TIMM13: variants seen among roughly 807,000 people sequenced by gnomAD.
TIMM13 encodes mitochondrial import inner membrane translocase subunit Tim13.
Under a neutral mutation model 10.9 loss-of-function variants are expected in TIMM13, and 8 were observed. That is an observed-to-expected ratio of 0.73 (90% CI 0.43 to 1.32). The LOEUF (loss-of-function observed/expected upper bound fraction) is 1.32. TIMM13 is among the 40% of genes most tolerant of loss of function. TIMM13 has a pLI of 0.01. For missense variants in TIMM13, 147 were observed against 132.8 expected, an observed-to-expected ratio of 1.11 and a Z score of -0.53; for synonymous variants, 68 against 52.5, an observed-to-expected ratio of 1.30 and a Z score of -1.28.
intron 1 of TIMM13, 32 bp downstream of exon 1, chr19:2,427,381 GC>G (rs2145437588): frequency 6.2e-7 from 1 of 1,611,682 alleles, no homozygotes; most frequent in South Asian, 1.1e-5. Flanking sequence ...TGGCCCTGTC[GC>G]CCCCAGCGCC....
Position 2,426,968 on chromosome 19 carries a change from G to A in TIMM13, c.268C>T (p.Arg90Trp). Residue 90 changes from arginine to tryptophan, a missense_variant, in exon 3 of 3, where the codon CGG becomes TGG. Coordinates refer to ENST00000215570, the MANE Select transcript of TIMM13 (RefSeq NM_012458.4). Reference sequence around the variant, plus strand: ...GCCGGTCACATGTTGGCTCGTTCCCGCTGCAGCCGCGAGTTGTAGGCGCGA... The same window carrying A: ...GCCGGTCACATGTTGGCTCGTTCCCACTGCAGCCGCGAGTTGTAGGCGCGA... Reference protein sequence around the residue: ...VSRAYNSRLQRERANM With the variant: ...VSRAYNSRLQWERANM The A allele has an allele frequency of 6.3e-7, 1 of 1,599,668 alleles. No individual in the cohort carries two copies. Among genetic ancestry groups the A allele is most frequent in the Non-Finnish European group, 8.5e-7 (1 of 1,174,094 alleles).
rs551594941 is a variant in TIMM13 at position 2,426,404 on chromosome 19, A to T, written c.*544T>A. 3 of 341,692 alleles carry T rather than the reference A, an allele frequency of 8.8e-6. No homozygotes were observed. Among genetic ancestry groups the T allele is most frequent in the Middle Eastern group, 8.2e-4 (1 of 1,226 alleles). The allele number at this position is 341,692 out of a possible 1,614,324, so 21.2% of individuals were successfully genotyped here. On this transcript the variant is annotated 3_prime_UTR_variant, in exon 3 of 3. Transcript: ENST00000215570. ...CCTTAGCCTTTGGGGCAGGGGTGGC[A>T]GCAGCAACACATTCCTCGTGACTCA... is the stretch of plus-strand genomic sequence containing the variant.
Position 2,425,837 on chromosome 19 carries a change from A to G in TIMM13, c.*1111T>C. 6.8e-7 allele frequency: 1 copy of G among 1,461,280 alleles called. No homozygotes were observed. The highest frequency in any genetic ancestry group is 9.0e-7 in the Non-Finnish European group (1 of 1,105,748). The allele number at this position is 1,461,280 out of a possible 1,614,324, so 90.5% of individuals were successfully genotyped here. A position where few individuals can be genotyped will look rare whatever the true frequency, so the allele number is the denominator to read the frequency against. On this transcript the variant is annotated 3_prime_UTR_variant, in exon 3 of 3. Coordinates refer to ENST00000215570, the MANE Select transcript of TIMM13 (RefSeq NM_012458.4). ...GAAAATGCGGCTCCCAGGGGAAGTC[A>G]CTAGGGTCACTCCTAGAGGGGCCAA...
At position 2,426,399 on chromosome 19, in the gene TIMM13, G is replaced by C; in HGVS notation, c.*549C>G. ...GTCCCCCTTAGCCTTTGGGGCAGGG[G>C]TGGCAGCAGCAACACATTCCTCGTG... On this transcript the variant is annotated 3_prime_UTR_variant, in exon 3 of 3. Coordinates refer to ENST00000215570, the MANE Select transcript of TIMM13 (RefSeq NM_012458.4). 2.9e-6 allele frequency: 1 copy of C among 348,240 alleles called. No individual in the cohort carries two copies. Among genetic ancestry groups the C allele is most frequent in the Non-Finnish European group, 5.3e-6 (1 of 189,890 alleles). The allele number at this position is 348,240 out of a possible 1,614,324, so 21.6% of individuals were successfully genotyped here.
In TIMM13 at chr19:2,425,631, T is replaced by C. The variant is rs1971603868; in HGVS notation, c.*1317A>G. On this transcript the variant is annotated 3_prime_UTR_variant, in exon 3 of 3. Transcript: ENST00000215570. The stretch of plus-strand genomic sequence containing the variant: ...CAGCGGATCAAGCAGGGAGCCTTTT[T>C]GGCTCTGGAGGAATTTCCACTCCAC... The C allele has an allele frequency of 5.8e-6, 8 of 1,370,456 alleles. No individual in the cohort carries two copies. The highest frequency in any genetic ancestry group is 1.5e-5 in the African/African-American group (1 of 65,908). 84.9% of individuals were successfully genotyped at this position (1,370,456 alleles called of 1,614,324 possible).
chr19:2,426,699 C>A lies in TIMM13; in HGVS notation c.*249G>T, dbSNP rs139570365. 3.4e-6 allele frequency: 2 copies of A among 587,956 alleles called. No homozygotes were observed. The highest frequency in any genetic ancestry group is 6.1e-6 in the Non-Finnish European group (2 of 328,220). The allele number at this position is 587,956 out of a possible 1,614,324, so 36.4% of individuals were successfully genotyped here. A position where few individuals can be genotyped will look rare whatever the true frequency, so the allele number is the denominator to read the frequency against. On this transcript the variant is annotated 3_prime_UTR_variant, in exon 3 of 3. Coordinates refer to ENST00000215570, the MANE Select transcript of TIMM13 (RefSeq NM_012458.4). ...CTGACTTGGGCACACTAGGGGAATA[C>A]CCCAAAGGCCTGAAGGAGGTGCCAC...
At position 2,426,106 on chromosome 19, in the gene TIMM13, A is replaced by G; in HGVS notation, c.*842T>C. 2.0e-6 allele frequency: 3 copies of G among 1,534,684 alleles called. No individual in the cohort carries two copies. Among genetic ancestry groups the G allele is most frequent in the Non-Finnish European group, 2.6e-6 (3 of 1,148,028 alleles). Reference sequence around the variant, plus strand: ...AGGAGTGACCACCACGTGACTGCCCAGGCCGAGACTCTACGTGAAAGCAAC... The same window carrying G: ...AGGAGTGACCACCACGTGACTGCCCGGGCCGAGACTCTACGTGAAAGCAAC... On this transcript the variant is annotated 3_prime_UTR_variant, in exon 3 of 3. Transcript: ENST00000215570.
In TIMM13 at chr19:2,426,299, C is replaced by A. The variant is rs560983733; in HGVS notation, c.*649G>T. 7 of 347,594 alleles carry A rather than the reference C, an allele frequency of 2.0e-5. No homozygotes were observed. In the East Asian group the frequency reaches 3.9e-4, roughly 19 times the overall value. The allele number at this position is 347,594 out of a possible 1,614,324, so 21.5% of individuals were successfully genotyped here. A position where few individuals can be genotyped will look rare whatever the true frequency, so the allele number is the denominator to read the frequency against. On this transcript the variant is annotated 3_prime_UTR_variant, in exon 3 of 3. Transcript: ENST00000215570. ...AGCACCTCAGTGTCACAGCGAGGACCACCTGCCTGGTGCTCCACCAGGACC... is the reference window on the plus strand; with the variant it reads ...AGCACCTCAGTGTCACAGCGAGGACAACCTGCCTGGTGCTCCACCAGGACC...
At chr19:2,427,181 C>T (rs990608453) in intron 2 of TIMM13, 75 bp downstream of exon 2, 1 of 1,585,774 alleles carries the variant, frequency 6.3e-7, no homozygotes, top group African/African-American at 1.4e-5. Context: ...CCCCGTTAGT[C>T]TGCGCACGCG....
Position 2,427,044 on chromosome 19 carries a change from C to G in TIMM13, c.192G>C (p.Lys64Asn). 1 of 1,608,616 alleles carries G rather than the reference C, an allele frequency of 6.2e-7. No homozygotes were observed. The highest frequency in any genetic ancestry group is 8.5e-7 in the Non-Finnish European group (1 of 1,178,530). Reference sequence around the variant, plus strand: ...AGCGGTCCATGCACATGGCGATGCACTTCTGCGGGAGCGGAGGGGCGCACG... The same window carrying G: ...AGCGGTCCATGCACATGGCGATGCAGTTCTGCGGGAGCGGAGGGGCGCACG... ...PGGSLDNSEQ[K>N]CIAMCMDRYM... The change falls in exon 3 of 3, where the codon AAG becomes AAC. Residue 64 changes from lysine (K) to asparagine (N), a missense_variant and splice_region_variant. Transcript: ENST00000215570.
At position 2,426,765 on chromosome 19, in the gene TIMM13, C is replaced by G. The variant is rs1971648115; in HGVS notation, c.*183G>C. 3 of 665,028 alleles carry G rather than the reference C, an allele frequency of 4.5e-6. No individual in the cohort carries two copies. The highest frequency in any genetic ancestry group is 5.2e-6 in the Non-Finnish European group (2 of 381,666). The allele number at this position is 665,028 out of a possible 1,614,324, so 41.2% of individuals were successfully genotyped here. ...TCAGGAAGGCACAGGGCCCCACACC[C>G]CCGAGATCCAAGCTGCACTGGCTGG... On this transcript the variant is annotated 3_prime_UTR_variant, in exon 3 of 3. Transcript: ENST00000215570.
Position 2,426,198 on chromosome 19 carries a change from G to A in TIMM13, c.*750C>T, listed in dbSNP as rs76310952. On this transcript the variant is annotated 3_prime_UTR_variant, in exon 3 of 3. Coordinates refer to ENST00000215570, the MANE Select transcript of TIMM13 (RefSeq NM_012458.4). ...ACCCAAGGACGGGTGTGGGGGGGCT[G>A]TGGGTCATGGGGATGCATTTTGGTA... 2.4e-6 allele frequency: 2 copies of A among 843,406 alleles called. No individual in the cohort carries two copies. Among genetic ancestry groups the A allele is most frequent in the East Asian group, 5.2e-5 (1 of 19,074 alleles). 52.2% of individuals were successfully genotyped at this position (843,406 alleles called of 1,614,324 possible). A position where few individuals can be genotyped will look rare whatever the true frequency, so the allele number is the denominator to read the frequency against.
rs1971628508 is a variant in TIMM13, at chr19:2,426,214, C to T, written c.*734G>A. ...GGGGGGGCTGTGGGTCATGGGGATG[C>T]ATTTTGGTACCACCCTTTGTTCCAA... On this transcript the variant is annotated 3_prime_UTR_variant, in exon 3 of 3. Coordinates refer to ENST00000215570, the MANE Select transcript of TIMM13 (RefSeq NM_012458.4). 1 of 1,232,642 alleles carries T rather than the reference C, an allele frequency of 8.1e-7. No homozygotes were observed. The highest frequency in any genetic ancestry group is 1.1e-6 in the Non-Finnish European group (1 of 900,150). The allele number at this position is 1,232,642 out of a possible 1,614,324, so 76.4% of individuals were successfully genotyped here. A position where few individuals can be genotyped will look rare whatever the true frequency, so the allele number is the denominator to read the frequency against.
rs1198996494 is a variant in TIMM13 at position 2,426,195 on chromosome 19, G to A, written c.*753C>T. The A allele has an allele frequency of 1.8e-5, 16 of 879,902 alleles. No homozygotes were observed. In the South Asian group the frequency reaches 3.2e-4, roughly 17 times the overall value. The allele number at this position is 879,902 out of a possible 1,614,324, so 54.5% of individuals were successfully genotyped here. ...CCTACCCAAGGACGGGTGTGGGGGGGCTGTGGGTCATGGGGATGCATTTTG... is the reference window on the plus strand; with the variant it reads ...CCTACCCAAGGACGGGTGTGGGGGGACTGTGGGTCATGGGGATGCATTTTG... On this transcript the variant is annotated 3_prime_UTR_variant, in exon 3 of 3. Coordinates refer to ENST00000215570, the MANE Select transcript of TIMM13 (RefSeq NM_012458.4).
Position 2,427,062 on chromosome 19 carries a change from G to A in TIMM13, c.190-16C>T, listed in dbSNP as rs1971655981. ...CGATGCACTTCTGCGGGAGCGGAGG[G>A]GCGCACGGCTCAGCTCGGGACTTCG... is the stretch of plus-strand genomic sequence containing the variant. On this transcript the variant is annotated splice_polypyrimidine_tract_variant and intron_variant, in intron 2 of 2. Transcript: ENST00000215570. 6.2e-7 allele frequency: 1 copy of A among 1,606,118 alleles called. No individual in the cohort carries two copies. Among genetic ancestry groups the A allele is most frequent in the Non-Finnish European group, 8.5e-7 (1 of 1,177,742 alleles).
chr19:2,427,043 A>G lies in TIMM13; in HGVS notation c.193T>C (p.Cys65Arg). 2 of 1,608,542 alleles carry G rather than the reference A, an allele frequency of 1.2e-6. No individual in the cohort carries two copies. Among genetic ancestry groups the G allele is most frequent in the Non-Finnish European group, 1.7e-6 (2 of 1,178,518 alleles). Residue 65 changes from cysteine (C) to arginine (R), a missense_variant, in exon 3 of 3, where the codon TGC becomes CGC. Cys to Arg is a radical substitution (Grantham distance 180, BLOSUM62 -3). Coordinates refer to ENST00000215570, the MANE Select transcript of TIMM13 (RefSeq NM_012458.4). ...TAGCGGTCCATGCACATGGCGATGC[A>G]CTTCTGCGGGAGCGGAGGGGCGCAC... ...GGSLDNSEQK[C>R]IAMCMDRYMD... is the part of the protein sequence containing the mutation.
Position 2,426,543 on chromosome 19 carries a change from G to A in TIMM13, c.*405C>T, listed in dbSNP as rs1274830755. On this transcript the variant is annotated 3_prime_UTR_variant, in exon 3 of 3. Transcript: ENST00000215570. ...TCACCTCTTCCCAGAGACCCCTCAG[G>A]AGGGAAATAAAGAGGTTTCTCTCCG... The A allele has an allele frequency of 6.6e-6, 2 of 304,906 alleles. No individual in the cohort carries two copies. The highest frequency in any genetic ancestry group is 1.2e-5 in the Non-Finnish European group (2 of 161,388). 18.9% of individuals were successfully genotyped at this position (304,906 alleles called of 1,614,324 possible).
At position 2,426,182 on chromosome 19, in the gene TIMM13, C is replaced by G. The variant is rs1039391584; in HGVS notation, c.*766G>C. 1.2e-5 allele frequency: 12 copies of G among 968,894 alleles called. No homozygotes were observed. The East Asian group carries it at 1.4e-4, about 11-fold the overall frequency. The allele number at this position is 968,894 out of a possible 1,614,324, so 60.0% of individuals were successfully genotyped here. On this transcript the variant is annotated 3_prime_UTR_variant, in exon 3 of 3. Transcript: ENST00000215570. ...CACCCCACCGTACCCTACCCAAGGA[C>G]GGGTGTGGGGGGGCTGTGGGTCATG...
In TIMM13 at chr19:2,426,036, A is replaced by G; in HGVS notation, c.*912T>C. Reference sequence around the variant, plus strand: ...GGCCGGCCCCACTTCCCAGGTGTCTATACCCGGGTGGCAGCTGTGAGAGGC... The same window carrying G: ...GGCCGGCCCCACTTCCCAGGTGTCTGTACCCGGGTGGCAGCTGTGAGAGGC... On this transcript the variant is annotated 3_prime_UTR_variant, in exon 3 of 3. Coordinates refer to ENST00000215570, the MANE Select transcript of TIMM13 (RefSeq NM_012458.4). 1.9e-6 allele frequency: 3 copies of G among 1,609,324 alleles called. No individual in the cohort carries two copies. The highest frequency in any genetic ancestry group is 1.1e-5 in the South Asian group (1 of 90,624).
Sources: allele counts gnomAD v4.1 joint callset, GRCh38; gene constraint gnomAD v4.1.1; transcripts MANE v1.5; gene names NCBI Gene and HGNC (gene_info 2026-07-23, HGNC 2026-07-21).